The following MZT1 variants were observed in gnomAD, a reference collection of about 807,000 sequenced individuals.
MZT1 encodes mitotic spindle organizing protein 1, also known as mitotic-spindle organizing protein 1.
MZT1 carries 8 observed loss-of-function variants against 8.5 expected under a neutral mutation model. The observed-to-expected ratio is 0.94, with a 90% CI of 0.55 to 1.70. The LOEUF (loss-of-function observed/expected upper bound fraction) is 1.70. Among genes scored for constraint, MZT1 ranks in the 40% most tolerant of loss-of-function variants. The pLI is 0.00. For synonymous variants in MZT1, 38 were observed against 42.0 expected (o/e 0.90, Z 0.37); for missense variants, 93 against 108.6 (o/e 0.86, Z 0.64).
At chr13:72,717,854 TCTA>T (rs2032551010) in intron 2 of MZT1, among the ~76,000 whole-genome samples, 1 of 152,210 alleles carries the variant, frequency 6.6e-6, no homozygotes, top group African/African-American at 2.4e-5. Context: ...CATTCACAGT[TCTA>T]CTAACAGTTC....
At chr13:72,723,708 CTAACTA>C (rs1255502957) in intron 1 of MZT1, among the ~76,000 whole-genome samples, 3 of 152,120 alleles carry the variant, frequency 2.0e-5, no homozygotes, top group African/African-American at 7.2e-5. Context: ...TAATCAACCT[CTAACTA>C]TATGTATTTT....
At position 72,716,004 on chromosome 13, in the gene MZT1, G is replaced by A. The variant is rs142703358; in HGVS notation, c.225+2948C>T. On this transcript the variant is annotated intron_variant, in intron 2 of 2. Transcript: ENST00000377818. ...TGAATCTTGGCTCACTGCCACCTCC[G>A]CCTCTTGGGTTCAAGTGATTCTCTT... Among the ~76,000 whole-genome samples the A allele has an allele frequency of 7.8e-3, 1,186 of 151,952 alleles. 15 individuals are homozygous for A. Among genetic ancestry groups the A allele is most frequent in the Middle Eastern group, 0.014 (4 of 294 alleles).
chr13:72,715,519 T>C (rs2032526770), intron 2 of MZT1, among the ~76,000 whole-genome samples: 3 of 152,264 alleles, frequency 2.0e-5, no homozygotes, highest in South Asian at 2.1e-4. Flanking sequence ...GAGGGAATGA[T>C]AGTTTGGATG....
intron 1 of MZT1, among the ~76,000 whole-genome samples, chr13:72,726,614 CAAAG>C (rs1566215641): frequency 6.6e-6 from 1 of 151,456 alleles, no homozygotes; most frequent in Non-Finnish European, 1.5e-5. Flanking sequence ...AAAAAGGAGA[CAAAG>C]AAAGAAGACT....
chr13:72,726,522 C>T (rs1342314049), intron 1 of MZT1, among the ~76,000 whole-genome samples: 1 of 152,012 alleles, frequency 6.6e-6, no homozygotes, highest in Non-Finnish European at 1.5e-5. Flanking sequence ...CGGAAGCTGA[C>T]GTGAGTAGAC....
chr13:72,724,566 T>G, intron 1 of MZT1, among the ~76,000 whole-genome samples: 1 of 134,414 alleles, frequency 7.4e-6, no homozygotes, highest in Non-Finnish European at 1.6e-5. Context: ...TGAGATGGAG[T>G]CTAGCTCTGT....
chr13:72,710,160 C>G lies in MZT1; in HGVS notation c.*162G>C. The G allele has an allele frequency of 1.5e-6, 1 of 654,424 alleles. No individual in the cohort carries two copies. Among genetic ancestry groups the G allele is most frequent in the Non-Finnish European group, 2.6e-6 (1 of 379,332 alleles). The allele number at this position is 654,424 out of a possible 1,614,324, so 40.5% of individuals were successfully genotyped here. ...ATCTGATAGTTCTCTCTGTAAGCCA[C>G]TTTCCACTGATTTATAAAGCTATGG... On this transcript the variant is annotated 3_prime_UTR_variant, in exon 3 of 3. Coordinates refer to ENST00000377818, the MANE Select transcript of MZT1 (RefSeq NM_001071775.3).
At chr13:72,712,205 C>G (rs543095203) in intron 2 of MZT1, among the ~76,000 whole-genome samples, 188 of 152,332 alleles carry the variant, frequency 1.2e-3, no homozygotes, top group African/African-American at 4.3e-3. Context: ...CACTCTGTTG[C>G]CCAGGCTGGA....
chr13:72,720,191 G>A (rs1241151803), intron 1 of MZT1, among the ~76,000 whole-genome samples: 1 of 152,092 alleles, frequency 6.6e-6, no homozygotes, highest in African/African-American at 2.4e-5. Context: ...AATGACCTAA[G>A]TTTTCCCCAC....
At chr13:72,718,152 G>C (rs1019905126) in intron 2 of MZT1, among the ~76,000 whole-genome samples, 2 of 152,202 alleles carry the variant, frequency 1.3e-5, no homozygotes, top group Non-Finnish European at 2.9e-5. Flanking sequence ...CTCTCTGACA[G>C]CTCTAGGGGA....
rs1052469354 is a variant in MZT1, at chr13:72,710,480, T to C, written c.226-135A>G. The C allele has an allele frequency of 7.9e-6, 6 of 762,500 alleles. No individual in the cohort carries two copies. In the South Asian group the frequency reaches 9.9e-5, roughly 13 times the overall value. 47.2% of individuals were successfully genotyped at this position (762,500 alleles called of 1,614,324 possible). A position where few individuals can be genotyped will look rare whatever the true frequency, so the allele number is the denominator to read the frequency against. ...AACAGAACCACTTTTATCACAGTAA[T>C]GCAGTGCTTTTCATGTTTTGCTATA... On this transcript the variant is annotated intron_variant, in intron 2 of 2. Coordinates refer to ENST00000377818, the MANE Select transcript of MZT1 (RefSeq NM_001071775.3).
chr13:72,718,776 G>C (rs2032563670), intron 2 of MZT1, among the ~76,000 whole-genome samples, 176 bp downstream of exon 2: 1 of 152,098 alleles, frequency 6.6e-6, no homozygotes, highest in Admixed American at 6.6e-5. Flanking sequence ...ACTGCGCCCG[G>C]CCTAGTAGTA....
chr13:72,710,487 C>A, intron 2 of MZT1, 142 bp from the exon 3 acceptor site: 1 of 733,854 alleles, frequency 1.4e-6, no homozygotes, highest in Non-Finnish European at 2.4e-6. Context: ...TAATGCAGTG[C>A]TTTTCATGTT....
chr13:72,725,785 C>T (rs574851048), intron 1 of MZT1, among the ~76,000 whole-genome samples: 2 of 152,044 alleles, frequency 1.3e-5, no homozygotes, highest in Admixed American at 1.3e-4. Flanking sequence ...GATCCTGTGG[C>T]CATATACATA....
At chr13:72,711,703 CA>C (rs11436288) in intron 2 of MZT1, among the ~76,000 whole-genome samples, 23 of 145,688 alleles carry the variant, frequency 1.6e-4, no homozygotes, top group African/African-American at 5.6e-4. Context: ...AAGAAATTAA[CA>C]AAAAAAAAAA....
At chr13:72,715,905 T>C (rs1172575356) in intron 2 of MZT1, among the ~76,000 whole-genome samples, 1 of 151,980 alleles carries the variant, frequency 6.6e-6, no homozygotes, top group African/African-American at 2.4e-5. Flanking sequence ...AATTATCTGG[T>C]CTCCGGTTTT....
At chr13:72,724,750 A>G (rs71427603) in intron 1 of MZT1, among the ~76,000 whole-genome samples, 20,899 of 36,720 alleles carry the variant, frequency 0.57, 7,679 homozygotes, top group East Asian at 0.82. Context: ...ACACATATAT[A>G]TATGTAAAGT....
chr13:72,715,835 C>A (rs1035670974), intron 2 of MZT1, among the ~76,000 whole-genome samples: 1 of 152,152 alleles, frequency 6.6e-6, no homozygotes, highest in East Asian at 1.9e-4. Flanking sequence ...GAAGCAGATG[C>A]CACTATGCTT....
chr13:72,727,438 C>G, intron 1 of MZT1, 86 bp downstream of exon 1: 3 of 1,365,068 alleles, frequency 2.2e-6, no homozygotes, highest in Non-Finnish European at 3.1e-6. Context: ...CTAAGGGGAC[C>G]TGAAGTCCTC....
Sources: gnomAD v4.1 joint callset for allele counts (sites outside exome capture counted in the v4.1 genomes callset) on GRCh38, gnomAD v4.1.1 for gene constraint, MANE v1.5 for transcripts, NCBI Gene and HGNC (gene_info 2026-07-23, HGNC 2026-07-21) for gene names.